The following LIN28B variants were observed in gnomAD, a reference collection of about 807,000 sequenced individuals.
LIN28B encodes the protein protein lin-28 homolog B.
LIN28B carries 5 observed loss-of-function variants against 21.9 expected under a neutral mutation model. The observed-to-expected ratio is 0.23, with a 90% confidence interval of 0.12 to 0.48. LIN28B has a LOEUF of 0.48. Ranked by LOEUF, LIN28B falls within the 20% of genes least tolerant of loss-of-function variation. LIN28B has a pLI of 0.98. For synonymous variants in LIN28B, 109 were observed against 111.3 expected (o/e 0.98, Z 0.13); for missense variants, 245 against 310.5 (o/e 0.79, Z 1.58).
At chr6:105,073,010 A>G (rs1484713981) in intron 3 of LIN28B, among the ~76,000 whole-genome samples, 1 of 151,868 alleles carries the variant, frequency 6.6e-6, no homozygotes, top group Non-Finnish European at 1.5e-5. Flanking sequence ...TGCCCCTCTT[A>G]CCTTCAGGAG....
At chr6:105,017,845 A>G (rs1037273176) in intron 2 of LIN28B, among the ~76,000 whole-genome samples, 1 of 152,216 alleles carries the variant, frequency 6.6e-6, no homozygotes, top group African/African-American at 2.4e-5. Flanking sequence ...AGCGTCATGC[A>G]GTATACCCAT....
intron 2 of LIN28B, among the ~76,000 whole-genome samples, chr6:104,961,602 A>G (rs1178392892): frequency 6.6e-6 from 1 of 151,970 alleles, no homozygotes; most frequent in East Asian, 1.9e-4. Flanking sequence ...GGGTTTCACT[A>G]TGTTGGCCAG....
chr6:104,950,750 T>C (rs1778212068), intron 3 of LIN28B, among the ~76,000 whole-genome samples: 1 of 150,674 alleles, frequency 6.6e-6, no homozygotes. Context: ...ACCCCCACTT[T>C]TAGCAGTATT....
intron 2 of LIN28B, among the ~76,000 whole-genome samples, chr6:104,941,992 A>G (rs890444275): frequency 7.9e-5 from 12 of 152,206 alleles, no homozygotes; most frequent in African/African-American, 2.7e-4. Flanking sequence ...TTCATGTAAC[A>G]CAGAATGAAA....
chr6:105,025,922 AATTTATTT>A (rs1385766933), intron 2 of LIN28B, among the ~76,000 whole-genome samples: 1 of 151,986 alleles, frequency 6.6e-6, no homozygotes, highest in South Asian at 2.1e-4. Flanking sequence ...TTATATTAAT[AATTTATTT>A]AATCAGTTTC....
intron 2 of LIN28B, among the ~76,000 whole-genome samples, chr6:104,965,444 G>T (rs1183778138): frequency 2.0e-5 from 3 of 152,174 alleles, no homozygotes; most frequent in African/African-American, 7.2e-5. Flanking sequence ...CACTTCTTGA[G>T]CCCAGGAGAC....
At chr6:105,068,940 C>T (rs1772274532) in intron 3 of LIN28B, among the ~76,000 whole-genome samples, 1 of 152,096 alleles carries the variant, frequency 6.6e-6, no homozygotes, top group Non-Finnish European at 1.5e-5. Flanking sequence ...ACAGAGGCCG[C>T]ATGCAGTGGC....
At chr6:105,040,343 G>A (rs1771607340) in intron 3 of LIN28B, among the ~76,000 whole-genome samples, 1 of 151,838 alleles carries the variant, frequency 6.6e-6, no homozygotes, top group Non-Finnish European at 1.5e-5. Flanking sequence ...GATTATTCTA[G>A]TCTCATGAAT....
At position 105,078,312 on chromosome 6, in the gene LIN28B, T is replaced by C. The variant is rs182272592; in HGVS notation, c.384-102T>C. 5 of 1,071,386 alleles carry C rather than the reference T, an allele frequency of 4.7e-6. No individual in the cohort carries two copies. The Admixed American group carries it at 9.0e-5, about 19-fold the overall frequency. The allele number at this position is 1,071,386 out of a possible 1,614,324, so 66.4% of individuals were successfully genotyped here. A position where few individuals can be genotyped will look rare whatever the true frequency, so the allele number is the denominator to read the frequency against. On this transcript the variant is annotated intron_variant, in intron 3 of 3. Coordinates refer to ENST00000345080, the MANE Select transcript of LIN28B (RefSeq NM_001004317.4). Reference sequence around the variant, plus strand: ...ATGCTTTTAAGAAGGCACATTAAAATAAGCTTATCTCATTGGTAGTTTGTG... The same window carrying C: ...ATGCTTTTAAGAAGGCACATTAAAACAAGCTTATCTCATTGGTAGTTTGTG...
chr6:104,961,124 G>A (rs766609370), intron 2 of LIN28B, among the ~76,000 whole-genome samples: 36 of 152,072 alleles, frequency 2.4e-4, no homozygotes, highest in Non-Finnish European at 4.9e-4. Context: ...TTTATGATGT[G>A]AAAATATATA....
Position 104,938,012 on chromosome 6 carries a change from G to T in LIN28B, c.18+896G>T, listed in dbSNP as rs1200734847. ...AAGGATATCTTGCCACCAGAAGTCT[G>T]AGAATAGCCTGGGCAACAGAGCAAG... On this transcript the variant is annotated intron_variant, in intron 2 of 5. Transcript: ENST00000635857. Among the ~76,000 whole-genome samples, 3 of 111,050 alleles carry T rather than the reference G, an allele frequency of 2.7e-5. No individual in the cohort carries two copies. In the East Asian group the frequency reaches 9.3e-4, roughly 34 times the overall value. 72.9% of individuals were successfully genotyped at this position (111,050 alleles called of 152,430 possible). A position where few individuals can be genotyped will look rare whatever the true frequency, so the allele number is the denominator to read the frequency against.
At chr6:105,020,708 C>T (rs962382298) in intron 2 of LIN28B, among the ~76,000 whole-genome samples, 1 of 151,840 alleles carries the variant, frequency 6.6e-6, no homozygotes, top group African/African-American at 2.4e-5. Flanking sequence ...CCCTCCCAAC[C>T]CCTCACCCTT....
At chr6:104,958,385 T>C in intron 2 of LIN28B, 99 bp downstream of exon 2, 5 of 976,898 alleles carry the variant, frequency 5.1e-6, no homozygotes, top group Non-Finnish European at 7.4e-6. Context: ...TCCTTCGGTA[T>C]ATTGAAAGAC....
chr6:105,057,253 C>G (rs1689197024), intron 3 of LIN28B, among the ~76,000 whole-genome samples: 1 of 152,166 alleles, frequency 6.6e-6, no homozygotes, highest in African/African-American at 2.4e-5. Context: ...TTCCCCATCA[C>G]CTATTAAAGG....
chr6:105,026,508 A>T lies in LIN28B; in HGVS notation c.383+26A>T, dbSNP rs1258205383. 8 of 1,429,876 alleles carry T rather than the reference A, an allele frequency of 5.6e-6. No individual in the cohort carries two copies. The African/African-American group carries it at 8.6e-5, about 15-fold the overall frequency. The allele number at this position is 1,429,876 out of a possible 1,614,324, so 88.6% of individuals were successfully genotyped here. On this transcript the variant is annotated intron_variant, in intron 3 of 3. Transcript: ENST00000345080. ...GTAATCATTTTTACTTTGTTAATTT[A>T]TCAGTTTATTGTGTTTGGAAAGGAT...
Position 105,078,707 on chromosome 6 carries a change from C to T in LIN28B, c.677C>T (p.Ser226Phe), listed in dbSNP as rs1202670178. The T allele has an allele frequency of 1.9e-6, 3 of 1,613,990 alleles. No homozygotes were observed. In the South Asian group the frequency reaches 3.3e-5, roughly 18 times the overall value. Residue 226 changes from serine to phenylalanine, a missense_variant, in exon 4 of 4, where the codon TCC becomes TTC. Physicochemically the swap from Ser to Phe is radical, Grantham distance 155 (BLOSUM62 -2). Transcript: ENST00000345080. ...TCAGGCAGGTCACCTCAAGAAGCTTCCTCCACGAAGTCATCTATAGCACCA... is the reference window on the plus strand; with the variant it reads ...TCAGGCAGGTCACCTCAAGAAGCTTTCTCCACGAAGTCATCTATAGCACCA... Reference protein sequence around the residue: ...ERSGRSPQEASSTKSSIAPEE... With the variant: ...ERSGRSPQEAFSTKSSIAPEE...
chr6:105,039,018 A>G (rs1190301209), intron 3 of LIN28B, among the ~76,000 whole-genome samples: 1 of 152,064 alleles, frequency 6.6e-6, no homozygotes, highest in Non-Finnish European at 1.5e-5. Flanking sequence ...TTTTTACTCC[A>G]CTTCTGGGTA....
At chr6:105,060,752 G>A (rs897159950) in intron 3 of LIN28B, among the ~76,000 whole-genome samples, 6 of 152,150 alleles carry the variant, frequency 3.9e-5, no homozygotes, top group Non-Finnish European at 7.3e-5. Flanking sequence ...AGTAAACACT[G>A]TGAATGCAAT....
intron 3 of LIN28B, among the ~76,000 whole-genome samples, chr6:105,028,218 T>G (rs1306034719): frequency 6.6e-6 from 1 of 152,198 alleles, no homozygotes; most frequent in East Asian, 1.9e-4. Context: ...AGGTTGAGAT[T>G]TGAAGAGTAA....
Sources: allele counts gnomAD v4.1 joint callset (sites outside exome capture counted in the v4.1 genomes callset), GRCh38; gene constraint gnomAD v4.1.1; transcripts MANE v1.5; gene names NCBI Gene and HGNC (gene_info 2026-07-23, HGNC 2026-07-21).